ARHGAP42: variants seen among roughly 807,000 people sequenced by gnomAD.
The protein encoded by ARHGAP42 is rho GTPase-activating protein 42.
Under a neutral mutation model 125.0 loss-of-function variants are expected in ARHGAP42, and 63 were observed. That is an observed-to-expected ratio of 0.50 (90% CI 0.41 to 0.62). ARHGAP42 has a LOEUF of 0.62. Among genes scored for constraint, ARHGAP42 ranks in the 20% least tolerant of loss-of-function variants. ARHGAP42 has a pLI of 0.00. For missense variants in ARHGAP42, 766 were observed against 1,024.2 expected (o/e 0.75, Z 3.44); for synonymous variants, 339 against 351.0 (o/e 0.97, Z 0.38).
At chr11:100,826,408 A>G (rs1398612208) in intron 3 of ARHGAP42, among the ~76,000 whole-genome samples, 1 of 152,198 alleles carries the variant, frequency 6.6e-6, no homozygotes, top group Non-Finnish European at 1.5e-5. Flanking sequence ...AGTAGCCTTA[A>G]TATTATCTTA....
chr11:100,717,358 C>T (rs61910472), intron 1 of ARHGAP42, among the ~76,000 whole-genome samples: 9,464 of 152,160 alleles, frequency 0.062, 412 homozygotes, highest in East Asian at 0.21. Context: ...CATATATAGG[C>T]CGGGCGCGGT....
At position 100,890,806 on chromosome 11, in the gene ARHGAP42, G is replaced by T. The variant is rs12287226; in HGVS notation, c.385-22646G>T. 2.5e-3 allele frequency among the ~76,000 whole-genome samples: 374 copies of T among 152,314 alleles called. 2 individuals carry two copies. The highest frequency in any genetic ancestry group is 8.7e-3 in the African/African-American group (361 of 41,572). On this transcript the variant is annotated intron_variant, in intron 4 of 23. Coordinates refer to ENST00000298815, the MANE Select transcript of ARHGAP42 (RefSeq NM_152432.4). ...TTCTCACATAGTCCTTATGGCTGAA[G>T]AATGGGCTATTCTGTTATTATCAAG...
At chr11:100,858,260 G>A (rs1485873487) in intron 3 of ARHGAP42, among the ~76,000 whole-genome samples, 1 of 152,148 alleles carries the variant, frequency 6.6e-6, no homozygotes, top group Non-Finnish European at 1.5e-5. Context: ...GTCTGTCTGA[G>A]CTCAGAAATG....
chr11:100,750,756 G>A (rs1374473908), intron 1 of ARHGAP42, among the ~76,000 whole-genome samples: 2 of 152,110 alleles, frequency 1.3e-5, no homozygotes, highest in African/African-American at 4.8e-5. Context: ...GGTGGAGCAG[G>A]TTATCGAATA....
intron 22 of ARHGAP42, chr11:100,985,991 A>G (rs1858669193): frequency 2.2e-6 from 1 of 455,690 alleles, no homozygotes; most frequent in African/African-American, 2.0e-5. Context: ...GAGGATAGAT[A>G]AGGTGCCCTG....
At chr11:100,866,842 A>G (rs562567263) in intron 4 of ARHGAP42, among the ~76,000 whole-genome samples, 157 of 152,264 alleles carry the variant, frequency 1.0e-3, no homozygotes, top group African/African-American at 3.7e-3. Context: ...CAGTTATGAA[A>G]TGCCTTTTTT....
intron 3 of ARHGAP42, among the ~76,000 whole-genome samples, chr11:100,837,113 A>G (rs1864806333): frequency 6.6e-6 from 1 of 152,116 alleles, no homozygotes. Flanking sequence ...GAACTTTCCT[A>G]TATTCTTCAC....
chr11:100,737,582 A>C (rs1862093694), intron 1 of ARHGAP42, among the ~76,000 whole-genome samples: 2 of 152,148 alleles, frequency 1.3e-5, no homozygotes, highest in Admixed American at 1.3e-4. Flanking sequence ...CAACGTTCGC[A>C]GGTATTCCAG....
Position 100,835,979 on chromosome 11 carries a change from G to A in ARHGAP42, c.313-23575G>A, listed in dbSNP as rs573356927. ...AGTTAATGTGATAATGAAGCCAGCC[G>A]AACAAGGAAATCTCTTGAGATTTTT... On this transcript the variant is annotated intron_variant, in intron 3 of 23. Transcript: ENST00000298815. Among the ~76,000 whole-genome samples the A allele has an allele frequency of 7.2e-5, 11 of 152,022 alleles. No individual in the cohort carries two copies. In the South Asian group the frequency reaches 2.1e-3, roughly 29 times the overall value.
intron 2 of ARHGAP42, among the ~76,000 whole-genome samples, chr11:100,784,634 T>C (rs1863391424): frequency 1.3e-5 from 2 of 152,164 alleles, no homozygotes; most frequent in Admixed American, 1.3e-4. Context: ...AATTATGAAC[T>C]TAGTTTTGAC....
rs1445723261 is a variant in ARHGAP42, at chr11:100,913,459, A to G, written c.392A>G (p.Lys131Arg). The G allele has an allele frequency of 7.8e-7, 1 of 1,280,170 alleles. No homozygotes were observed. The highest frequency in any genetic ancestry group is 2.6e-5 in the Admixed American group (1 of 38,392). The allele number at this position is 1,280,170 out of a possible 1,614,324, so 79.3% of individuals were successfully genotyped here. A position where few individuals can be genotyped will look rare whatever the true frequency, so the allele number is the denominator to read the frequency against. ...GTTATTGCTCTCCTTTAGGATGGAA[A>G]GAAGAAGTTTGACAAAGAGAGTGAA... ...KEQIGAAKDG[K>R]KKFDKESEKY... Residue 131 changes from lysine (K) to arginine (R), a missense_variant, in exon 5 of 24, where the codon AAG becomes AGG. This residue lies in a region of ARHGAP42 where 455 missense variants were observed against 636.5 expected (regional missense o/e 0.71). Coordinates refer to ENST00000298815, the MANE Select transcript of ARHGAP42 (RefSeq NM_152432.4).
At chr11:100,763,768 G>A (rs923493487) in intron 1 of ARHGAP42, among the ~76,000 whole-genome samples, 4 of 152,200 alleles carry the variant, frequency 2.6e-5, no homozygotes, top group Non-Finnish European at 5.9e-5. Flanking sequence ...GGGATTACAG[G>A]CGTGAGCCAC....
chr11:100,946,882 C>G (rs1017075762), intron 10 of ARHGAP42, among the ~76,000 whole-genome samples: 1 of 151,690 alleles, frequency 6.6e-6, no homozygotes, highest in Non-Finnish European at 1.5e-5. Context: ...AGGGTTGACA[C>G]AAACAAACCA....
intron 17 of ARHGAP42, among the ~76,000 whole-genome samples, chr11:100,969,752 GATAT>G (rs1858190330): frequency 6.6e-6 from 1 of 152,032 alleles, no homozygotes; most frequent in Admixed American, 6.6e-5. Flanking sequence ...GAGGACTTTG[GATAT>G]ATTTGTGACT....
intron 4 of ARHGAP42, among the ~76,000 whole-genome samples, chr11:100,896,672 T>C (rs931030227): frequency 1.3e-5 from 2 of 152,242 alleles, no homozygotes; most frequent in East Asian, 3.8e-4. Context: ...CTTTGCCCAC[T>C]TTTTGATGAG....
chr11:100,982,800 A>T (rs1307374796), intron 22 of ARHGAP42, among the ~76,000 whole-genome samples: 1 of 152,138 alleles, frequency 6.6e-6, no homozygotes, highest in Admixed American at 6.5e-5. Context: ...TTTTGCTTAG[A>T]ATTACAAAGG....
intron 4 of ARHGAP42, among the ~76,000 whole-genome samples, chr11:100,903,574 C>T (rs1024160120): frequency 1.2e-4 from 18 of 151,384 alleles, no homozygotes; most frequent in African/African-American, 4.1e-4. Flanking sequence ...CTTCTAGCCA[C>T]TCCACACACT....
intron 5 of ARHGAP42, among the ~76,000 whole-genome samples, chr11:100,914,633 A>G (rs1442289708): frequency 6.6e-6 from 1 of 152,162 alleles, no homozygotes; most frequent in African/African-American, 2.4e-5. Flanking sequence ...CCGCAGCTCA[A>G]CACTGCTGTC....
intron 3 of ARHGAP42, among the ~76,000 whole-genome samples, chr11:100,832,177 C>T (rs1259941193): frequency 6.6e-6 from 1 of 152,212 alleles, no homozygotes; most frequent in East Asian, 1.9e-4. Flanking sequence ...ATGACTTTAG[C>T]TGACATATTG....
Sources: gnomAD v4.1 joint callset for allele counts (sites outside exome capture counted in the v4.1 genomes callset) on GRCh38, gnomAD v4.1.1 for gene constraint, gnomAD v4.1.1 regional missense constraint, MANE v1.5 for transcripts, NCBI Gene and HGNC (gene_info 2026-07-23, HGNC 2026-07-21) for gene names.